The following ASMT variants were observed in gnomAD, a reference collection of about 807,000 sequenced individuals.
ASMT encodes acetylserotonin O-methyltransferase, also known as acetylserotonin N-methyltransferase.
Under a neutral mutation model 41.3 loss-of-function variants are expected in ASMT, and 53 were observed. The observed-to-expected ratio is 1.28, with a 90% CI of 1.03 to 1.61. ASMT has a LOEUF of 1.61. ASMT is among the 40% of genes most tolerant of loss of function. The pLI, the probability that ASMT is intolerant of heterozygous loss-of-function variation, is 0.00. For missense variants in ASMT, 531 were observed against 441.3 expected (o/e 1.20, Z -1.82); for synonymous variants, 231 against 184.8 (o/e 1.25, Z -2.03).
At chrX:1,630,847 C>T (rs1934745792) in intron 5 of ASMT, among the ~76,000 whole-genome samples, 1 of 152,030 alleles carries the variant, frequency 6.6e-6, no homozygotes, top group Non-Finnish European at 1.5e-5. Flanking sequence ...CGCCCGCCAC[C>T]ACACCCAGGC....
chrX:1,623,585 C>CTGAAATGAAAT (rs1934416586), intron 2 of ASMT, among the ~76,000 whole-genome samples: 1 of 152,038 alleles, frequency 6.6e-6, no homozygotes, highest in Admixed American at 6.6e-5. Flanking sequence ...GGCGACAGAG[C>CTGAAATGAAAT]GAGACTCCAT....
At chrX:1,635,232 G>T (rs149034988) in intron 7 of ASMT, among the ~76,000 whole-genome samples, 3 of 135,134 alleles carry the variant, frequency 2.2e-5, no homozygotes, top group African/African-American at 8.4e-5. Flanking sequence ...GATCTGCCCC[G>T]CTCAGACTCC....
intron 2 of ASMT, 41 bp from the exon 3 acceptor site, chrX:1,624,228 A>G: frequency 6.2e-7 from 1 of 1,613,486 alleles, no homozygotes; most frequent in Non-Finnish European, 8.5e-7. Context: ...AGGAACTCGG[A>G]ATCTCACTGC....
At chrX:1,642,159 A>G (rs1439473128) in intron 8 of ASMT, among the ~76,000 whole-genome samples, 2 of 144,282 alleles carry the variant, frequency 1.4e-5, no homozygotes, top group Admixed American at 1.5e-4. Flanking sequence ...CTGATGGTCC[A>G]TGAGGACATG....
intron 7 of ASMT, 188 bp from the exon 8 acceptor site, chrX:1,636,250 C>T (rs761363277): frequency 4.6e-6 from 4 of 876,234 alleles, no homozygotes; most frequent in Admixed American, 3.8e-5. Context: ...AGCCACCGCG[C>T]CCGACCTCAG....
Position 1,628,880 on chromosome X carries a change from T to C in ASMT, c.444-941T>C, listed in dbSNP as rs59652028. Among the ~76,000 whole-genome samples the C allele has an allele frequency of 3.3e-3, 503 of 151,094 alleles. 2 individuals carry two copies. The highest frequency in any genetic ancestry group is 0.012 in the African/African-American group (477 of 41,124). ...ATGCCCCGTATTTCACCTCCTTTTCTCCTCCTCTCTTCTCCTCGGTCTGCT... is the reference window on the plus strand; with the variant it reads ...ATGCCCCGTATTTCACCTCCTTTTCCCCTCCTCTCTTCTCCTCGGTCTGCT... On this transcript the variant is annotated intron_variant, in intron 4 of 8. Coordinates refer to ENST00000381241, the MANE Select transcript of ASMT (RefSeq NM_001171038.2).
intron 1 of ASMT, 151 bp downstream of exon 1, chrX:1,615,419 C>CA: frequency 1.2e-6 from 1 of 834,840 alleles, no homozygotes; most frequent in Middle Eastern, 2.8e-4. Context: ...GATGTAGCCT[C>CA]AGGAGTTCCT....
In ASMT at chrX:1,623,305, G is replaced by A; in HGVS notation, c.236G>A (p.Gly79Glu). 2 of 1,613,962 alleles carry A rather than the reference G, an allele frequency of 1.2e-6. No individual in the cohort carries two copies. Among genetic ancestry groups the A allele is most frequent in the Non-Finnish European group, 1.7e-6 (2 of 1,179,870 alleles). The change falls in exon 2 of 9, where the codon GGA (glycine) becomes GAA (glutamate). Residue 79 changes from glycine to glutamate, a missense_variant. Coordinates refer to ENST00000381241, the MANE Select transcript of ASMT (RefSeq NM_001171038.2). ...SLKLLKVETR[G>E]GKAFYRNTEL... is the part of the protein sequence containing the mutation. The stretch of plus-strand genomic sequence containing the variant: ...AAGCTGCTGAAAGTGGAGACGAGGG[G>A]AGGAAAAGGTGAGGACACGGGCGTT...
intron 5 of ASMT, among the ~76,000 whole-genome samples, chrX:1,631,097 G>A (rs2149468723): frequency 7.1e-6 from 1 of 139,996 alleles, no homozygotes; most frequent in African/African-American, 2.6e-5. Flanking sequence ...TTTTTTTTTA[G>A]TAGAGACGGG....
At position 1,630,048 on chromosome X, in the gene ASMT, G is replaced by A. The variant is rs191866206; in HGVS notation, c.562+109G>A. ...GCATTCTGATGCTTTGACATGTGCGGCCTTACTGGTCTTAGAGGAATCATT... is the reference window on the plus strand; with the variant it reads ...GCATTCTGATGCTTTGACATGTGCGACCTTACTGGTCTTAGAGGAATCATT... On this transcript the variant is annotated intron_variant, in intron 5 of 8. Transcript: ENST00000381241. 273 of 1,019,088 alleles carry A rather than the reference G, an allele frequency of 2.7e-4. 1 individual carries two copies. The African/African-American group carries it at 3.9e-3, about 15-fold the overall frequency. The allele number at this position is 1,019,088 out of a possible 1,614,324, so 63.1% of individuals were successfully genotyped here.
intron 3 of ASMT, among the ~76,000 whole-genome samples, chrX:1,625,643 C>T (rs1158414860): frequency 1.0e-4 from 15 of 150,410 alleles, no homozygotes; most frequent in South Asian, 4.2e-4. Context: ...AGAGAGAAGA[C>T]CTGGACTCAA....
intron 2 of ASMT, among the ~76,000 whole-genome samples, chrX:1,623,956 G>T (rs1253980422): frequency 6.6e-6 from 1 of 152,092 alleles, no homozygotes; most frequent in African/African-American, 2.4e-5. Context: ...GCCTCAATAA[G>T]TTATTTTAGA....
intron 7 of ASMT, among the ~76,000 whole-genome samples, chrX:1,635,917 A>G (rs1398290654): frequency 6.6e-6 from 1 of 151,778 alleles, no homozygotes; most frequent in Admixed American, 6.6e-5. Context: ...ATTTTTTTTT[A>G]AAGGAGGAGG....
chrX:1,628,826 G>GTCT (rs1352097467), intron 4 of ASMT, among the ~76,000 whole-genome samples: 36 of 57,580 alleles, frequency 6.3e-4, no homozygotes, highest in African/African-American at 2.7e-3. Context: ...CTCCTCTCCC[G>GTCT]TCTTCTTTCT....
rs770973782 is a variant in ASMT, at chrX:1,624,321, G to A, written c.297G>A (p.Pro99=). The part of the protein sequence containing the change: ...LSSDYLTTVS[P]TSQCSMLKYM... ...GCGACTACCTGACCACGGTCAGCCC[G>A]ACGTCACAATGCAGCATGCTGAAGT... Residue 99 remains proline (P), a synonymous_variant, in exon 3 of 9, where the codon CCG becomes CCA. Transcript: ENST00000381241. 9.3e-6 allele frequency: 15 copies of A among 1,613,842 alleles called. No homozygotes were observed. Among genetic ancestry groups the A allele is most frequent in the East Asian group, 2.2e-5 (1 of 44,900 alleles).
chrX:1,634,344 A>T (rs751830335), intron 7 of ASMT, among the ~76,000 whole-genome samples: 71 of 152,288 alleles, frequency 4.7e-4, no homozygotes, highest in African/African-American at 1.6e-3. Context: ...TTGACAACAC[A>T]CACCACTCAC....
At chrX:1,625,551 A>AGGGAGGGAGGGAGGGAAAGGG (rs1556100719) in intron 3 of ASMT, among the ~76,000 whole-genome samples, 1 of 65,288 alleles carries the variant, frequency 1.5e-5, no homozygotes, top group African/African-American at 5.8e-5. Flanking sequence ...GAAGGGAGGG[A>AGGGAGGGAGGGAGGGAAAGGG]GGGAGGGAGG....
chrX:1,618,653 T>C (rs1934225497), intron 1 of ASMT, among the ~76,000 whole-genome samples: 1 of 152,040 alleles, frequency 6.6e-6, no homozygotes, highest in South Asian at 2.1e-4. Context: ...TCCAGGCTGG[T>C]CTCGAACTCC....
chrX:1,628,280 CA>C (rs1468265996), intron 4 of ASMT, among the ~76,000 whole-genome samples: 1 of 152,166 alleles, frequency 6.6e-6, no homozygotes, highest in African/African-American at 2.4e-5. Context: ...GAGATCGCAC[CA>C]CTGCACTCCA....
Sources: allele counts gnomAD v4.1 joint callset (sites outside exome capture counted in the v4.1 genomes callset), GRCh38; gene constraint gnomAD v4.1.1; transcripts MANE v1.5; gene names NCBI Gene and HGNC (gene_info 2026-07-23, HGNC 2026-07-21).